The following C9 variants were observed in gnomAD, a reference collection of about 807,000 sequenced individuals.
C9 encodes complement component C9.
A neutral mutation model predicts 65.4 loss-of-function variants in C9; 63 were observed. The ratio of observed to expected loss-of-function variants is 0.96; its 90% confidence interval spans 0.79 to 1.19. C9 has a LOEUF of 1.19. Among genes scored for constraint, C9 ranks in the 50% most tolerant of loss-of-function variants. C9 has a pLI of 0.00. For missense variants in C9, 744 were observed against 670.1 expected, an observed-to-expected ratio of 1.11 and a Z score of -1.22; for synonymous variants, 229 against 227.9, an observed-to-expected ratio of 1.00 and a Z score of -0.04.
intron 5 of C9, among the ~76,000 whole-genome samples, chr5:39,321,508 T>A (rs1753666893): frequency 6.6e-6 from 1 of 150,904 alleles, no homozygotes; most frequent in African/African-American, 2.5e-5. Flanking sequence ...GAGAAAGAAA[T>A]AGCCAGAAAG....
chr5:39,286,629 AG>A (rs1446144798), intron 10 of C9, among the ~76,000 whole-genome samples: 1 of 152,040 alleles, frequency 6.6e-6, no homozygotes, highest in South Asian at 2.1e-4. Context: ...AAGAAATCAC[AG>A]AGAAATCAGC....
chr5:39,333,251 C>T (rs1263671504), intron 4 of C9, among the ~76,000 whole-genome samples: 1 of 152,158 alleles, frequency 6.6e-6, no homozygotes, highest in African/African-American at 2.4e-5. Flanking sequence ...GACCTCATCA[C>T]CGGCAAAGTA....
chr5:39,298,364 GC>G (rs996245388), intron 9 of C9, among the ~76,000 whole-genome samples: 6 of 151,384 alleles, frequency 4.0e-5, no homozygotes, highest in Non-Finnish European at 7.4e-5. Context: ...TTTTAAAGCT[GC>G]TTTTTTGAGA....
At chr5:39,349,247 G>A (rs1230647342) in intron 1 of C9, among the ~76,000 whole-genome samples, 3 of 150,516 alleles carry the variant, frequency 2.0e-5, no homozygotes, top group African/African-American at 4.9e-5. Flanking sequence ...CTAGATCCCA[G>A]CTCCCCTTAG....
intron 10 of C9, among the ~76,000 whole-genome samples, chr5:39,287,749 C>T (rs748661405): frequency 1.3e-5 from 2 of 151,818 alleles, no homozygotes; most frequent in African/African-American, 4.8e-5. Context: ...CACATGTTCT[C>T]GCTTATAAGT....
intron 9 of C9, among the ~76,000 whole-genome samples, chr5:39,303,214 AC>A (rs1753312447): frequency 6.6e-6 from 1 of 152,168 alleles, no homozygotes; most frequent in Admixed American, 6.6e-5. Flanking sequence ...AAACTGTAGA[AC>A]CACTTGTGTT....
chr5:39,347,475 G>T (rs1193956455), intron 1 of C9, among the ~76,000 whole-genome samples: 1 of 152,182 alleles, frequency 6.6e-6, no homozygotes. Flanking sequence ...AGGATGTGGA[G>T]GACCTCTTCA....
intron 1 of C9, among the ~76,000 whole-genome samples, chr5:39,364,084 A>G (rs757097696): frequency 2.0e-5 from 3 of 152,210 alleles, no homozygotes; most frequent in Non-Finnish European, 4.4e-5. Context: ...TAATAAACCC[A>G]GGTTCATCAT....
intron 1 of C9, among the ~76,000 whole-genome samples, chr5:39,355,944 C>T (rs1212156721): frequency 6.6e-6 from 1 of 152,086 alleles, no homozygotes; most frequent in Non-Finnish European, 1.5e-5. Flanking sequence ...AACTTAATTA[C>T]CTTTTTAAAG....
chr5:39,323,690 A>G (rs1451424268), intron 5 of C9, among the ~76,000 whole-genome samples: 1 of 151,992 alleles, frequency 6.6e-6, no homozygotes, highest in Non-Finnish European at 1.5e-5. Flanking sequence ...TAAAGGCCAT[A>G]TACAACAAGC....
At chr5:39,310,360 T>G (rs1157392727) in intron 7 of C9, among the ~76,000 whole-genome samples, 2 of 152,148 alleles carry the variant, frequency 1.3e-5, no homozygotes, top group Non-Finnish European at 2.9e-5. Context: ...ATCACCTCCT[T>G]AAGGAATATT....
chr5:39,326,226 C>T (rs1214531825), intron 5 of C9, among the ~76,000 whole-genome samples: 1 of 152,150 alleles, frequency 6.6e-6, no homozygotes, highest in African/African-American at 2.4e-5. Flanking sequence ...AACTAAGTTG[C>T]CTAAATTCAC....
intron 1 of C9, among the ~76,000 whole-genome samples, chr5:39,356,323 T>A (rs1044390002): frequency 3.9e-5 from 6 of 152,222 alleles, no homozygotes; most frequent in African/African-American, 1.4e-4. Flanking sequence ...CTGTCTCCTG[T>A]GCTGGCTTTT....
intron 4 of C9, among the ~76,000 whole-genome samples, chr5:39,333,740 T>C (rs1029470451): frequency 3.9e-5 from 6 of 152,140 alleles, no homozygotes; most frequent in Admixed American, 2.6e-4. Flanking sequence ...GCCTGCCGAG[T>C]GCCTGCGATT....
chr5:39,353,848 T>C (rs529548462), intron 1 of C9, among the ~76,000 whole-genome samples: 1 of 152,244 alleles, frequency 6.6e-6, no homozygotes, highest in Admixed American at 6.5e-5. Context: ...TAATAGGTAC[T>C]CAGGAAGGGT....
At chr5:39,353,800 C>A (rs1455002744) in intron 1 of C9, among the ~76,000 whole-genome samples, 1 of 152,000 alleles carries the variant, frequency 6.6e-6, no homozygotes, top group Non-Finnish European at 1.5e-5. Context: ...TGGGGACTTT[C>A]CTGTTTTGTT....
intron 1 of C9, among the ~76,000 whole-genome samples, chr5:39,356,630 T>C (rs969537592): frequency 1.3e-5 from 2 of 152,248 alleles, no homozygotes; most frequent in African/African-American, 4.8e-5. Flanking sequence ...CCTGGCTCAC[T>C]GGAAGCACAG....
chr5:39,338,480 C>G (rs1226148142), intron 4 of C9, among the ~76,000 whole-genome samples: 1 of 152,070 alleles, frequency 6.6e-6, no homozygotes, highest in African/African-American at 2.4e-5. Context: ...AACAATCTCC[C>G]AGTATTATTT....
intron 5 of C9, among the ~76,000 whole-genome samples, chr5:39,330,607 A>T (rs990581744): frequency 1.3e-5 from 2 of 152,240 alleles, no homozygotes; most frequent in Non-Finnish European, 2.9e-5. Flanking sequence ...AATACTTTTT[A>T]AAAATAATTG....
Sources: allele counts gnomAD v4.1 joint callset (sites outside exome capture counted in the v4.1 genomes callset), GRCh38; gene constraint gnomAD v4.1.1; transcripts MANE v1.5; gene names NCBI Gene and HGNC (gene_info 2026-07-23, HGNC 2026-07-21).